The following VWA5A variants were observed in gnomAD, a reference collection of about 807,000 sequenced individuals.
The protein encoded by VWA5A is von Willebrand factor A domain-containing protein 5A.
In VWA5A, 77 loss-of-function variants were observed where a neutral mutation model predicts 84.6. The observed-to-expected ratio is 0.91, with a 90% CI of 0.76 to 1.10. VWA5A has a LOEUF of 1.10. Among genes scored for constraint, VWA5A ranks in the 50% least tolerant of loss-of-function variants. The pLI is 0.00. For synonymous variants in VWA5A, 334 were observed against 350.1 expected (o/e 0.95, Z 0.51); for missense variants, 973 against 963.0 (o/e 1.01, Z -0.14).
chr11:124,122,143 T>G (rs946457354), intron 7 of VWA5A, among the ~76,000 whole-genome samples: 2 of 152,234 alleles, frequency 1.3e-5, no homozygotes, highest in Non-Finnish European at 1.5e-5. Flanking sequence ...GAACTGCTTC[T>G]TAAAAATGGG....
rs1864856963 is a variant in VWA5A at position 124,117,755 on chromosome 11, G to A, written c.126G>A (p.Glu42=). 2 of 1,614,188 alleles carry A rather than the reference G, an allele frequency of 1.2e-6. No homozygotes were observed. Among genetic ancestry groups the A allele is most frequent in the Non-Finnish European group, 1.7e-6 (2 of 1,180,048 alleles). Residue 42 remains glutamate, a synonymous_variant, in exon 4 of 19, where the codon GAG becomes GAA. Coordinates refer to ENST00000456829, the MANE Select transcript of VWA5A (RefSeq NM_001130142.2). The stretch of plus-strand genomic sequence containing the variant: ...CTGCAACTTTGAACTACGAGAATGA[G>A]GAGAAAGTTCCTTTGGAGGCCTTCT... ...GVSATLNYEN[E]EKVPLEAFFV... is the part of the protein sequence containing the mutation.
At chr11:124,136,545 C>G (rs761966447) in intron 13 of VWA5A, 29 bp from the exon 14 acceptor site, 1 of 1,598,618 alleles carries the variant, frequency 6.3e-7, no homozygotes, top group Non-Finnish European at 8.6e-7. Flanking sequence ...TTACATGTTC[C>G]GTCATTTCTA....
rs1484345765 is a variant in VWA5A, at chr11:124,118,718, G to A, written c.645+10G>A. ...CAAGACTTCTGCTCAGGTAGTTAAT[G>A]AGAGAATACTGCTATTGTCAGTACC... On this transcript the variant is annotated intron_variant, in intron 6 of 18. Coordinates refer to ENST00000456829, the MANE Select transcript of VWA5A (RefSeq NM_001130142.2). The A allele has an allele frequency of 1.2e-6, 2 of 1,610,740 alleles. No individual in the cohort carries two copies. Among genetic ancestry groups the A allele is most frequent in the Non-Finnish European group, 1.7e-6 (2 of 1,178,252 alleles).
chr11:124,121,098 G>A (rs913081180), intron 7 of VWA5A, among the ~76,000 whole-genome samples: 5 of 152,200 alleles, frequency 3.3e-5, no homozygotes, highest in Admixed American at 6.5e-5. Flanking sequence ...AGCTTTAAGC[G>A]GCAGCTTGTC....
intron 12 of VWA5A, 95 bp downstream of exon 12, chr11:124,135,129 T>C (rs1865155062): frequency 7.1e-6 from 7 of 988,552 alleles, no homozygotes; most frequent in Non-Finnish European, 1.0e-5. Flanking sequence ...GGGTAGCAAC[T>C]TTCCTCCAGG....
At chr11:124,122,100 C>T (rs748474732) in intron 7 of VWA5A, among the ~76,000 whole-genome samples, 1 of 152,196 alleles carries the variant, frequency 6.6e-6, no homozygotes, top group Non-Finnish European at 1.5e-5. Flanking sequence ...TACCAAATCC[C>T]AGGACTACTG....
chr11:124,136,966 T>C, intron 14 of VWA5A, 49 bp from the exon 15 acceptor site: 1 of 1,586,404 alleles, frequency 6.3e-7, no homozygotes, highest in Non-Finnish European at 8.5e-7. Context: ...GAAACTGGTA[T>C]ATGGATGTCT....
At chr11:124,126,633 G>A (rs972332575) in intron 11 of VWA5A, among the ~76,000 whole-genome samples, 1 of 151,972 alleles carries the variant, frequency 6.6e-6, no homozygotes, top group African/African-American at 2.4e-5. Flanking sequence ...GGTAGTGTGT[G>A]CCTGTAATCC....
chr11:124,136,090 G>C, intron 12 of VWA5A, 39 bp from the exon 13 acceptor site: 2 of 1,599,988 alleles, frequency 1.3e-6, no homozygotes, highest in Admixed American at 3.4e-5. Context: ...GCCATTGTCT[G>C]TATCATTTGT....
rs1268565301 is a variant in VWA5A, at chr11:124,118,827, TCG to T, written c.645+120_645+121del. 3 of 1,373,836 alleles carry T rather than the reference TCG, an allele frequency of 2.2e-6. No homozygotes were observed. In the Admixed American group the frequency reaches 6.2e-5, roughly 28 times the overall value. The allele number at this position is 1,373,836 out of a possible 1,614,324, so 85.1% of individuals were successfully genotyped here. A position where few individuals can be genotyped will look rare whatever the true frequency, so the allele number is the denominator to read the frequency against. On this transcript the variant is annotated intron_variant, in intron 6 of 18. Transcript: ENST00000456829. Reference sequence around the variant, plus strand: ...GGGGGTCCCACATGCTCCTTGCATATCGTCATTTAATCTCCAGAGCCTTCTCT... The same window carrying T: ...GGGGGTCCCACATGCTCCTTGCATATTCATTTAATCTCCAGAGCCTTCTCT...
Position 124,136,625 on chromosome 11 carries a change from A to G in VWA5A, c.1576A>G (p.Thr526Ala), listed in dbSNP as rs1860591827. The change falls in exon 14 of 19, where the codon ACT (threonine) becomes GCT (alanine). Residue 526 changes from threonine (T) to alanine (A), a missense_variant. Coordinates refer to ENST00000456829, the MANE Select transcript of VWA5A (RefSeq NM_001130142.2). The part of the protein sequence containing the change: ...VCLKYTLQGK[T>A]FEDKVTFPLQ... ...CCTCAAATATACACTCCAGGGCAAG[A>G]CTTTTGAGGATAAGGTGACATTTCC... is the stretch of plus-strand genomic sequence containing the variant. 6.2e-7 allele frequency: 1 copy of G among 1,614,024 alleles called. No individual in the cohort carries two copies. Among genetic ancestry groups the G allele is most frequent in the Non-Finnish European group, 8.5e-7 (1 of 1,180,032 alleles).
Position 124,118,597 on chromosome 11 carries a change from C to T in VWA5A, c.534C>T (p.Tyr178=). ...TAGTCCCTGTGGAGGACCTGCCCTACACACTCAGCATGGTCGCCACCATAG... is the reference window on the plus strand; with the variant it reads ...TAGTCCCTGTGGAGGACCTGCCCTATACACTCAGCATGGTCGCCACCATAG... The part of the protein sequence containing the change: ...TPIVPVEDLP[Y]TLSMVATIDS... Residue 178 remains tyrosine (Y), a synonymous_variant, in exon 6 of 19, where the codon TAC becomes TAT. Transcript: ENST00000456829. 2 of 1,614,208 alleles carry T rather than the reference C, an allele frequency of 1.2e-6. No homozygotes were observed. The highest frequency in any genetic ancestry group is 1.7e-6 in the Non-Finnish European group (2 of 1,180,030).
intron 10 of VWA5A, 88 bp from the exon 11 acceptor site, chr11:124,124,149 T>C: frequency 7.8e-7 from 1 of 1,283,850 alleles, no homozygotes; most frequent in African/African-American, 1.5e-5. Flanking sequence ...GCCTCTGCAA[T>C]GAAATAGGTG....
rs1429707642 is a variant in VWA5A at position 124,119,077 on chromosome 11, A to G, written c.748A>G (p.Asn250Asp). The G allele has an allele frequency of 6.2e-7, 1 of 1,613,942 alleles. No individual in the cohort carries two copies. The highest frequency in any genetic ancestry group is 8.5e-7 in the Non-Finnish European group (1 of 1,179,968). The change falls in exon 7 of 19, where the codon AAC (asparagine) becomes GAC (aspartate). Residue 250 changes from asparagine (N) to aspartate (D), a missense_variant. By Grantham distance (23) the Asn-to-Asp change is conservative. Coordinates refer to ENST00000456829, the MANE Select transcript of VWA5A (RefSeq NM_001130142.2). ...CGTGGTTTTGGAGATGGGGATGCCTAACATGAAGCCAGGTATTTTCTTTCT... is the reference window on the plus strand; with the variant it reads ...CGTGGTTTTGGAGATGGGGATGCCTGACATGAAGCCAGGTATTTTCTTTCT... ...PSVVLEMGMP[N>D]MKPGHLMGDP...
chr11:124,137,000 T>G lies in VWA5A; in HGVS notation c.1626-15T>G, dbSNP rs890369440. ...CTTTCCCTACATTTCAGTACTTTTT[T>G]TTTTTTCCTTTCAGCCTCACCATTC... On this transcript the variant is annotated splice_polypyrimidine_tract_variant and intron_variant, in intron 14 of 18. Transcript: ENST00000456829. 14 of 1,603,332 alleles carry G rather than the reference T, an allele frequency of 8.7e-6. No homozygotes were observed. The highest frequency in any genetic ancestry group is 1.2e-5 in the Non-Finnish European group (14 of 1,177,114).
intron 16 of VWA5A, 111 bp from the exon 17 acceptor site, chr11:124,142,331 A>G (rs1393270929): frequency 2.1e-6 from 3 of 1,408,980 alleles, no homozygotes; most frequent in Non-Finnish European, 2.9e-6. Flanking sequence ...CTTTCTTTCT[A>G]TTGCATTCTT....
chr11:124,144,505 G>A (rs2137669134), intron 17 of VWA5A, among the ~76,000 whole-genome samples: 1 of 152,336 alleles, frequency 6.6e-6, no homozygotes, highest in East Asian at 1.9e-4. Flanking sequence ...GACATAAGCA[G>A]TCCTCTTAAG....
rs1417729052 is a variant in VWA5A, at chr11:124,118,410, T to C, written c.468T>C (p.Ser156=). The change falls in exon 5 of 19, where the codon TCT becomes TCC. Residue 156 remains serine (S), a splice_region_variant and synonymous_variant. Transcript: ENST00000456829. ...PAVLNPRYQF[S]GSSKDSCLNV... ...TCCTGAATCCTAGATACCAGTTCTC[T>C]GGTGAGTACCTCTCCCCTTTGAATT... The C allele has an allele frequency of 6.2e-7, 1 of 1,614,068 alleles. No individual in the cohort carries two copies. The highest frequency in any genetic ancestry group is 1.3e-5 in the African/African-American group (1 of 74,934).
At chr11:124,126,666 G>C (rs1387060178) in intron 11 of VWA5A, among the ~76,000 whole-genome samples, 1 of 152,068 alleles carries the variant, frequency 6.6e-6, no homozygotes, top group African/African-American at 2.4e-5. Flanking sequence ...GGCTGAAGCA[G>C]GAGAATTGCT....
Sources: gnomAD v4.1 joint callset for allele counts (sites outside exome capture counted in the v4.1 genomes callset) on GRCh38, gnomAD v4.1.1 for gene constraint, MANE v1.5 for transcripts, NCBI Gene and HGNC (gene_info 2026-07-23, HGNC 2026-07-21) for gene names.